The following CARM1 variants were observed in gnomAD, a reference collection of about 807,000 sequenced individuals.
The protein encoded by CARM1 is histone-arginine methyltransferase CARM1.
A neutral mutation model predicts 72.7 loss-of-function variants in CARM1; 14 were observed. The observed-to-expected ratio is 0.19, with a 90% CI of 0.13 to 0.30. CARM1 has a LOEUF of 0.30. Among genes scored for constraint, CARM1 ranks in the 10% least tolerant of loss-of-function variants. CARM1 has a pLI of 1.00. For synonymous variants in CARM1, 333 were observed against 345.5 expected (o/e 0.96, Z 0.40); for missense variants, 432 against 833.7 (o/e 0.52, Z 5.93).
intron 4 of CARM1, among the ~76,000 whole-genome samples, chr19:10,911,877 C>T (rs573004482): frequency 5.9e-5 from 9 of 152,330 alleles, no homozygotes; most frequent in Non-Finnish European, 1.2e-4. Flanking sequence ...GCGGAGGCCC[C>T]GGAAAAATGC....
chr19:10,885,888 A>ATT (rs766173367), intron 1 of CARM1, among the ~76,000 whole-genome samples: 9 of 78,760 alleles, frequency 1.1e-4, no homozygotes, highest in Non-Finnish European at 1.4e-4. Flanking sequence ...TCACTCCCTC[A>ATT]TTTTTTTTTT....
rs1026678193 is a variant in CARM1, at chr19:10,920,126, GTGTGTGTGTGTGTGTGTA to G, written c.1196+174_1196+191del. Among the ~76,000 whole-genome samples, 31 of 4,968 alleles carry G rather than the reference GTGTGTGTGTGTGTGTGTA, an allele frequency of 6.2e-3. No individual in the cohort carries two copies. The highest frequency in any genetic ancestry group is 0.051 in the Admixed American group (22 of 432). The allele number at this position is 4,968 out of a possible 152,430, so 3.3% of individuals were successfully genotyped here. A position where few individuals can be genotyped will look rare whatever the true frequency, so the allele number is the denominator to read the frequency against. The stretch of plus-strand genomic sequence containing the variant: ...AGCAAGAGACTGTTGTGGGTGGGGT[GTGTGTGTGTGTGTGTGTA>G]TGTGTGTGTGTGTCCTGTGTTCCCA... On this transcript the variant is annotated intron_variant, in intron 10 of 15. Coordinates refer to ENST00000327064, the MANE Select transcript of CARM1 (RefSeq NM_199141.2). This position sits in a 1 kb window ranked among gnomAD's most constrained non-coding sequence, Gnocchi z 5.3.
chr19:10,921,625 C>A lies in CARM1; in HGVS notation c.1695C>A (p.Gly565=). 1 of 1,611,350 alleles carries A rather than the reference C, an allele frequency of 6.2e-7. No individual in the cohort carries two copies. The highest frequency in any genetic ancestry group is 8.5e-7 in the Non-Finnish European group (1 of 1,178,416). ...TTGCCTGCTCCACAGGGTCCTCCGGCGCCCAGGGCAGTGGTGGTGGCAGCA... is the reference window on the plus strand; with the variant it reads ...TTGCCTGCTCCACAGGGTCCTCCGGAGCCCAGGGCAGTGGTGGTGGCAGCA... ...MSTGIVQGSS[G]AQGSGGGSTS... The change falls in exon 16 of 16, where the codon GGC becomes GGA. Residue 565 remains glycine (G), a synonymous_variant. Coordinates refer to ENST00000327064, the MANE Select transcript of CARM1 (RefSeq NM_199141.2).
intron 14 of CARM1, 34 bp from the exon 15 acceptor site, chr19:10,921,341 C>T (rs376236629): frequency 1.3e-5 from 21 of 1,608,888 alleles, no homozygotes; most frequent in Non-Finnish European, 1.8e-5. Flanking sequence ...GTGACGCCGT[C>T]TCCCTTCCTT....
chr19:10,882,273 T>TG (rs1276030471), intron 1 of CARM1, among the ~76,000 whole-genome samples: 4 of 151,864 alleles, frequency 2.6e-5, no homozygotes, highest in South Asian at 2.1e-4. Flanking sequence ...GGGCATGCAG[T>TG]GGGGGGGATG....
chr19:10,920,940 G>A lies in CARM1; in HGVS notation c.1531G>A (p.Val511Met), dbSNP rs531168798. ...STYNLSSGMA[V>M]AGMPTAYDLS... ...CTACAACCTCAGCAGCGGGATGGCC[G>A]TGGCAGGTGAGCAGGGCCCACCCCA... The change falls in exon 13 of 16, where the codon GTG (valine) becomes ATG (methionine). Residue 511 changes from valine to methionine, a missense_variant. By Grantham distance (21) the Val-to-Met change is conservative (BLOSUM62 1). Coordinates refer to ENST00000327064, the MANE Select transcript of CARM1 (RefSeq NM_199141.2). This position sits in a 1 kb window ranked among gnomAD's most constrained non-coding sequence, Gnocchi z 5.3. The A allele has an allele frequency of 4.8e-5, 77 of 1,614,126 alleles. No individual in the cohort carries two copies. The South Asian group carries it at 5.7e-4, about 12-fold the overall frequency.
intron 1 of CARM1, among the ~76,000 whole-genome samples, chr19:10,874,139 A>G (rs576273419): frequency 1.2e-3 from 179 of 152,160 alleles, no homozygotes; most frequent in Non-Finnish European, 1.8e-3. Flanking sequence ...ATTAGAGACA[A>G]GGTTTCACTA....
In CARM1 at chr19:10,878,092, G is replaced by C. The variant is rs1174342329; in HGVS notation, c.220+6170G>C. Among the ~76,000 whole-genome samples the C allele has an allele frequency of 2.0e-5, 3 of 152,156 alleles. No individual in the cohort carries two copies. In the East Asian group the frequency reaches 5.8e-4, roughly 29 times the overall value. ...CCTGGCCTCAAACCATCCTCCTCCT[G>C]CCTGAGCCTCAGAAGTAGCTGGGAT... On this transcript the variant is annotated intron_variant, in intron 1 of 15. Transcript: ENST00000327064.
intron 1 of CARM1, among the ~76,000 whole-genome samples, chr19:10,899,033 G>GT (rs34563725): frequency 0.25 from 29,485 of 117,328 alleles, 3,835 homozygotes; most frequent in Non-Finnish European, 0.31. Context: ...GGCTTAGCTT[G>GT]TTTTTTTTTT....
chr19:10,882,203 C>G (rs1435252541), intron 1 of CARM1, among the ~76,000 whole-genome samples: 2 of 152,164 alleles, frequency 1.3e-5, no homozygotes, highest in Non-Finnish European at 2.9e-5. Flanking sequence ...AAAATAGCGT[C>G]TGGCACTGCA....
At chr19:10,897,712 G>T (rs2074034252) in intron 1 of CARM1, among the ~76,000 whole-genome samples, 1 of 152,162 alleles carries the variant, frequency 6.6e-6, no homozygotes, top group Non-Finnish European at 1.5e-5. Flanking sequence ...TCTGGGCCGG[G>T]CACGGTGGCT....
intron 1 of CARM1, among the ~76,000 whole-genome samples, chr19:10,875,796 C>A (rs1183887353): frequency 6.6e-6 from 1 of 151,726 alleles, no homozygotes; most frequent in Non-Finnish European, 1.5e-5. Context: ...ATGATCTCAT[C>A]TCAAGATCCT....
rs760118982 is a variant in CARM1 at position 10,888,635 on chromosome 19, C to T, written c.221-16316C>T. Among the ~76,000 whole-genome samples the T allele has an allele frequency of 7.8e-4, 118 of 152,100 alleles. 1 individual carries two copies. Among genetic ancestry groups the T allele is most frequent in the Non-Finnish European group, 7.2e-4 (49 of 68,020 alleles). On this transcript the variant is annotated intron_variant, in intron 1 of 15. Transcript: ENST00000327064. ...GCCGGTTTTGTGGCTTTGCACCGCGCCCCCACCCCCTACCCTCCACAACCC... is the reference window on the plus strand; with the variant it reads ...GCCGGTTTTGTGGCTTTGCACCGCGTCCCCACCCCCTACCCTCCACAACCC...
In CARM1 at chr19:10,892,534, G is replaced by C. The variant is rs181559709; in HGVS notation, c.221-12417G>C. Among the ~76,000 whole-genome samples the C allele has an allele frequency of 4.1e-4, 62 of 152,330 alleles. 1 individual carries two copies. The highest frequency in any genetic ancestry group is 2.8e-3 in the Admixed American group (43 of 15,292). ...CATCGGAGGATCCGACTCAGGTTAC[G>C]GCAGGAGAGGGAGGCCAGGCCGGGT... is the stretch of plus-strand genomic sequence containing the variant. On this transcript the variant is annotated intron_variant, in intron 1 of 15. Coordinates refer to ENST00000327064, the MANE Select transcript of CARM1 (RefSeq NM_199141.2).
intron 6 of CARM1, among the ~76,000 whole-genome samples, chr19:10,914,991 C>T (rs1322092417): frequency 2.0e-5 from 3 of 152,148 alleles, no homozygotes; most frequent in Admixed American, 6.5e-5. Context: ...GCTGTGTGTG[C>T]GTGTGGCAGG....
Position 10,920,787 on chromosome 19 carries a change from G to C in CARM1, c.1424+39G>C, listed in dbSNP as rs1568357787. Reference sequence around the variant, plus strand: ...CTTGCCTGCACAGGGGGGCGCCCCGGCCCTGCAACCCCCTTGCCCCTGCCC... The same window carrying C: ...CTTGCCTGCACAGGGGGGCGCCCCGCCCCTGCAACCCCCTTGCCCCTGCCC... On this transcript the variant is annotated intron_variant, in intron 12 of 15. Transcript: ENST00000327064. This position sits in a 1 kb window ranked among gnomAD's most constrained non-coding sequence, Gnocchi z 5.3. 1 of 1,613,406 alleles carries C rather than the reference G, an allele frequency of 6.2e-7. No homozygotes were observed. The highest frequency in any genetic ancestry group is 8.5e-7 in the Non-Finnish European group (1 of 1,179,330).
chr19:10,890,361 G>A (rs964133799), intron 1 of CARM1, among the ~76,000 whole-genome samples: 1 of 149,772 alleles, frequency 6.7e-6, no homozygotes, highest in Non-Finnish European at 1.5e-5. Flanking sequence ...TCCGCCTCCC[G>A]GGTTCAAGTG....
At chr19:10,904,608 G>A (rs1173013339) in intron 1 of CARM1, among the ~76,000 whole-genome samples, 2 of 152,214 alleles carry the variant, frequency 1.3e-5, no homozygotes, top group African/African-American at 2.4e-5. Context: ...GAACAGAAGG[G>A]CTCAGCCGAG....
chr19:10,901,668 C>T (rs1159906672), intron 1 of CARM1, among the ~76,000 whole-genome samples: 2 of 152,120 alleles, frequency 1.3e-5, no homozygotes, highest in Admixed American at 6.6e-5. Flanking sequence ...TTGGCCCAGC[C>T]CAGTGGCTCA....
Sources: gnomAD v4.1 joint callset for allele counts (sites outside exome capture counted in the v4.1 genomes callset) on GRCh38, gnomAD v4.1.1 for gene constraint, Gnocchi (gnomAD v3.1) non-coding constraint, MANE v1.5 for transcripts, NCBI Gene and HGNC (gene_info 2026-07-23, HGNC 2026-07-21) for gene names.